Variants in SLC4A5 observed in about 807,000 individuals in gnomAD.
SLC4A5 encodes the protein electrogenic sodium bicarbonate cotransporter 4.
SLC4A5 carries 96 observed loss-of-function variants against 120.4 expected under a neutral mutation model. That is an observed-to-expected ratio of 0.80 (90% CI 0.68 to 0.94). The LOEUF (loss-of-function observed/expected upper bound fraction) is 0.94. SLC4A5 is among the 40% of genes least tolerant of loss of function. SLC4A5 has a pLI of 0.00. For missense variants in SLC4A5, 1,259 were observed against 1,459.5 expected (o/e 0.86, Z 2.24); for synonymous variants, 550 against 571.1 (o/e 0.96, Z 0.53).
At chr2:74,282,057 G>A (rs1354038837) in intron 8 of SLC4A5, among the ~76,000 whole-genome samples, 3 of 152,144 alleles carry the variant, frequency 2.0e-5, no homozygotes, top group African/African-American at 7.2e-5. Flanking sequence ...CCTGTCAACT[G>A]AAGAAACTGC....
chr2:74,247,197 G>A (rs1281449904), exon 19 of SLC4A5: 2 of 1,614,224 alleles, frequency 1.2e-6, no homozygotes. Context: ...GGTGAAGCGG[G>A]TGATATATTT....
intron 14 of SLC4A5, among the ~76,000 whole-genome samples, chr2:74,253,767 T>G (rs1275169004): frequency 6.6e-6 from 1 of 152,252 alleles, no homozygotes; most frequent in African/African-American, 2.4e-5. Flanking sequence ...ATCATTGGAA[T>G]GATCAGAATC....
intron 15 of SLC4A5, among the ~76,000 whole-genome samples, chr2:74,252,742 A>T (rs1450342691): frequency 6.6e-6 from 1 of 152,080 alleles, no homozygotes; most frequent in Non-Finnish European, 1.5e-5. Flanking sequence ...GCATGCCACC[A>T]TGCCCAGTTA....
chr2:74,326,957 G>A (rs1673231731), intron 5 of SLC4A5, among the ~76,000 whole-genome samples: 1 of 152,170 alleles, frequency 6.6e-6, no homozygotes, highest in Non-Finnish European at 1.5e-5. Context: ...ACACGTTTTA[G>A]TCATCAGAGC....
intron 22 of SLC4A5, 127 bp from the exon 23 acceptor site, chr2:74,233,690 C>A: frequency 9.3e-7 from 1 of 1,078,924 alleles, no homozygotes; most frequent in East Asian, 2.6e-5. Context: ...GCAATCTTTT[C>A]CCTTAAACAC....
chr2:74,219,176 G>GA (rs1422349664), intron 30 of SLC4A5, among the ~76,000 whole-genome samples: 1 of 134,264 alleles, frequency 7.4e-6, no homozygotes, highest in East Asian at 2.2e-4. Context: ...GCTCTTTGGA[G>GA]GTGTGTGTGT....
chr2:74,335,601 C>CA (rs1370262860), intron 3 of SLC4A5, among the ~76,000 whole-genome samples: 1 of 152,160 alleles, frequency 6.6e-6, no homozygotes, highest in African/African-American at 2.4e-5. Context: ...TCATGTCAAC[C>CA]TAAAATAAGA....
At chr2:74,238,738 T>A (rs578184506) in intron 21 of SLC4A5, among the ~76,000 whole-genome samples, 1 of 152,162 alleles carries the variant, frequency 6.6e-6, no homozygotes, top group East Asian at 1.9e-4. Flanking sequence ...GGAAAAACAA[T>A]GAAGCTTTTA....
At chr2:74,232,589 G>A (rs1423515257) in exon 24 of SLC4A5, 2 of 1,613,946 alleles carry the variant, frequency 1.2e-6, no homozygotes, top group Admixed American at 1.7e-5. Flanking sequence ...CCCCATAAAG[G>A]AGCACAAAGC....
intron 3 of SLC4A5, among the ~76,000 whole-genome samples, chr2:74,335,663 T>C (rs755650570): frequency 2.6e-5 from 4 of 152,074 alleles, no homozygotes; most frequent in African/African-American, 9.7e-5. Context: ...GATTAACTAA[T>C]AAGAACCTGG....
chr2:74,235,487 G>T (rs1319306221), intron 21 of SLC4A5, among the ~76,000 whole-genome samples: 2 of 152,190 alleles, frequency 1.3e-5, no homozygotes, highest in Non-Finnish European at 2.9e-5. Context: ...CATTTAGAGT[G>T]CTTGGCATAT....
intron 22 of SLC4A5, 39 bp from the exon 23 acceptor site, chr2:74,233,602 C>T (rs771251572): frequency 2.6e-6 from 4 of 1,568,306 alleles, no homozygotes; most frequent in Non-Finnish European, 1.7e-6. Context: ...TTTCCTCTCT[C>T]CCTTGTCCCA....
intron 22 of SLC4A5, among the ~76,000 whole-genome samples, chr2:74,234,098 G>T (rs1472114248): frequency 6.6e-6 from 1 of 150,618 alleles, no homozygotes; most frequent in African/African-American, 2.4e-5. Context: ...AAACCTTAAA[G>T]ACAGGGAGGG....
chr2:74,265,411 T>A, intron 8 of SLC4A5, 147 bp from the exon 9 acceptor site: 2 of 918,944 alleles, frequency 2.2e-6, no homozygotes, highest in South Asian at 1.8e-5. Flanking sequence ...GAGGATCTCT[T>A]GGGGATCCCC....
Position 74,233,495 on chromosome 2 carries a change from TGCTGGGTATACCC to T in SLC4A5, c.2489_2501del (p.Trp830Ter), listed in dbSNP as rs1211465520. On this transcript the variant is annotated frameshift_variant, in exon 23 of 31. Coordinates refer to ENST00000394019, the Ensembl canonical transcript of SLC4A5. LOFTEE classifies it high-confidence loss of function. ...TCACCAGCAGGGCGGGCAGGATGCT[TGCTGGGTATACCC>T]ACCACGGGTTCTTCCCAAAGGGGGC... 1.5e-5 allele frequency: 25 copies of T among 1,614,072 alleles called. No individual in the cohort carries two copies. Among genetic ancestry groups the T allele is most frequent in the Non-Finnish European group, 2.1e-5 (25 of 1,180,042 alleles).
chr2:74,262,387 TAAGC>T (rs1485605623), intron 10 of SLC4A5, among the ~76,000 whole-genome samples, 155 bp from the exon 11 acceptor site: 9 of 150,800 alleles, frequency 6.0e-5, no homozygotes, highest in African/African-American at 1.7e-4. Context: ...TTTTTTAATT[TAAGC>T]AAGTCAATAG....
intron 23 of SLC4A5, among the ~76,000 whole-genome samples, 154 bp downstream of exon 23, chr2:74,233,248 C>T (rs1670154957): frequency 6.6e-6 from 1 of 152,234 alleles, no homozygotes; most frequent in Non-Finnish European, 1.5e-5. Flanking sequence ...CTGGAGGTCA[C>T]ATTTCCCCCT....
exon 20 of SLC4A5, chr2:74,242,004 T>A (rs1007141843): frequency 1.2e-6 from 2 of 1,605,216 alleles, no homozygotes; most frequent in Non-Finnish European, 1.7e-6. Flanking sequence ...CAGAGAAGCG[T>A]TGGTGTCTGG....
chr2:74,264,691 A>C lies in SLC4A5; in HGVS notation c.563-392T>G, dbSNP rs557422721. ...GGCAAAATCCAATGTGCTAGAACAA[A>C]ACTCACAAAAATTTTTAGGGGTGTT... On this transcript the variant is annotated intron_variant, in intron 9 of 30. Transcript: ENST00000394019. Among the ~76,000 whole-genome samples the C allele has an allele frequency of 3.9e-5, 6 of 152,296 alleles. No homozygotes were observed. The South Asian group carries it at 1.2e-3, about 32-fold the overall frequency.
Sources: allele counts gnomAD v4.1 joint callset (sites outside exome capture counted in the v4.1 genomes callset), GRCh38; gene constraint gnomAD v4.1.1; transcripts MANE v1.5; gene names NCBI Gene and HGNC (gene_info 2026-07-23, HGNC 2026-07-21).